Variants in MECOM observed in about 807,000 individuals in gnomAD.
MECOM encodes the protein MDS1 and EVI1 complex locus.
Under a neutral mutation model 116.3 loss-of-function variants are expected in MECOM, and 13 were observed. That is an observed-to-expected ratio of 0.11 (90% confidence interval 0.07 to 0.18). The LOEUF is 0.18. Among genes scored for constraint, MECOM ranks in the 10% least tolerant of loss-of-function variants. The pLI is 1.00. For missense variants in MECOM, 1,299 were observed against 1,509.0 expected, an observed-to-expected ratio of 0.86 and a Z score of 2.31; for synonymous variants, 528 against 535.2, an observed-to-expected ratio of 0.99 and a Z score of 0.19.
intron 1 of MECOM, among the ~76,000 whole-genome samples, chr3:169,627,287 C>T (rs1286038374): frequency 6.6e-6 from 1 of 152,164 alleles, no homozygotes; most frequent in South Asian, 2.1e-4. Context: ...TGCAGAGCCT[C>T]AGAGAAATGA....
At chr3:169,570,493 G>A (rs912828916) in intron 1 of MECOM, among the ~76,000 whole-genome samples, 3 of 152,116 alleles carry the variant, frequency 2.0e-5, no homozygotes, top group South Asian at 2.1e-4. Flanking sequence ...ATTTTACGAG[G>A]CCAGCATCAT....
At chr3:169,614,097 TTTTC>T (rs1769654071) in intron 1 of MECOM, among the ~76,000 whole-genome samples, 1 of 129,502 alleles carries the variant, frequency 7.7e-6, no homozygotes, top group South Asian at 2.7e-4. Context: ...CTCTCTTTTC[TTTTC>T]TTTTTCTTTT....
At chr3:169,307,615 A>T (rs1717958186) in intron 2 of MECOM, among the ~76,000 whole-genome samples, 1 of 152,212 alleles carries the variant, frequency 6.6e-6, no homozygotes, top group South Asian at 2.1e-4. Context: ...GTTAAGATAC[A>T]TCCTTACTTA....
chr3:169,232,338 T>C (rs1753500140), intron 2 of MECOM, among the ~76,000 whole-genome samples: 1 of 152,110 alleles, frequency 6.6e-6, no homozygotes, highest in Admixed American at 6.6e-5. Context: ...TCCACCACTG[T>C]TACCTATTAT....
At chr3:169,327,450 C>T (rs370355079) in intron 2 of MECOM, among the ~76,000 whole-genome samples, 19 of 151,788 alleles carry the variant, frequency 1.3e-4, no homozygotes, top group South Asian at 1.2e-3. Flanking sequence ...CCAGCCTGGC[C>T]AACATAGAGA....
intron 2 of MECOM, among the ~76,000 whole-genome samples, chr3:169,349,711 A>T (rs745957150): frequency 1.1e-4 from 16 of 151,922 alleles, no homozygotes; most frequent in Admixed American, 5.3e-4. Context: ...TAGCCCTGTC[A>T]GGTGGGGCTT....
chr3:169,150,537 C>T (rs753012894), intron 2 of MECOM, among the ~76,000 whole-genome samples: 1 of 152,168 alleles, frequency 6.6e-6, no homozygotes, highest in Non-Finnish European at 1.5e-5. Context: ...ACTGTAATCT[C>T]AAACCAGCTT....
intron 2 of MECOM, among the ~76,000 whole-genome samples, chr3:169,203,379 T>C (rs1328900750): frequency 1.3e-5 from 2 of 152,130 alleles, no homozygotes; most frequent in African/African-American, 2.4e-5. Flanking sequence ...AGTTTGACAC[T>C]TACTAGATGA....
intron 2 of MECOM, among the ~76,000 whole-genome samples, chr3:169,348,174 A>C: frequency 6.6e-6 from 1 of 152,028 alleles, no homozygotes; most frequent in East Asian, 1.9e-4. Flanking sequence ...GTGGAGAAAG[A>C]TGGGAATATT....
intron 1 of MECOM, among the ~76,000 whole-genome samples, chr3:169,518,780 T>C (rs896207953): frequency 2.6e-5 from 4 of 152,150 alleles, no homozygotes; most frequent in African/African-American, 9.7e-5. Flanking sequence ...TGGAGACAGG[T>C]CTTTTCTGCG....
In MECOM at chr3:169,442,716, A is replaced by G. The variant is rs540908887; in HGVS notation, c.38-61192T>C. Among the ~76,000 whole-genome samples the G allele has an allele frequency of 3.3e-5, 5 of 152,320 alleles. No individual in the cohort carries two copies. In the South Asian group the frequency reaches 6.2e-4, roughly 19 times the overall value. Reference sequence around the variant, plus strand: ...TTTTCTAAAAGTGAGGCTATTGCAGATGAAGGCACAGAAACAGTTTTTGTG... The same window carrying G: ...TTTTCTAAAAGTGAGGCTATTGCAGGTGAAGGCACAGAAACAGTTTTTGTG... On this transcript the variant is annotated intron_variant, in intron 1 of 16. Coordinates refer to ENST00000651503, the MANE Select transcript of MECOM (RefSeq NM_004991.4).
At chr3:169,162,513 G>A (rs1742994595) in intron 2 of MECOM, among the ~76,000 whole-genome samples, 1 of 152,116 alleles carries the variant, frequency 6.6e-6, no homozygotes, top group Non-Finnish European at 1.5e-5. Flanking sequence ...AAAGAGGTGA[G>A]ACCTGCTGTC....
At chr3:169,284,568 A>AGC (rs1009919902) in intron 2 of MECOM, among the ~76,000 whole-genome samples, 14 of 150,382 alleles carry the variant, frequency 9.3e-5, no homozygotes, top group African/African-American at 3.2e-4. Context: ...AAAGTATATG[A>AGC]GCGCACACAC....
intron 1 of MECOM, chr3:169,470,008 A>C (rs1560313826): frequency 6.6e-6 from 1 of 152,210 alleles, no homozygotes; most frequent in Non-Finnish European, 1.5e-5. Flanking sequence ...GCTCCAGAGG[A>C]GTCAACTCTT....
chr3:169,317,785 T>C (rs980229057), intron 2 of MECOM, among the ~76,000 whole-genome samples: 2 of 152,186 alleles, frequency 1.3e-5, no homozygotes, highest in Non-Finnish European at 2.9e-5. Context: ...TTAAATGTCA[T>C]GTGGAAGCAA....
chr3:169,533,199 T>C (rs1758871048), intron 1 of MECOM, among the ~76,000 whole-genome samples: 1 of 152,178 alleles, frequency 6.6e-6, no homozygotes, highest in Non-Finnish European at 1.5e-5. Flanking sequence ...GGCCCTTCAC[T>C]GATCAAGCTT....
At chr3:169,601,923 G>T (rs968126474) in intron 1 of MECOM, among the ~76,000 whole-genome samples, 1 of 152,148 alleles carries the variant, frequency 6.6e-6, no homozygotes, top group Non-Finnish European at 1.5e-5. Context: ...ATCCATGATT[G>T]GTCATGAGCC....
chr3:169,278,957 T>C lies in MECOM; in HGVS notation c.375+102230A>G, dbSNP rs139190122. On this transcript the variant is annotated intron_variant, in intron 2 of 16. Transcript: ENST00000651503. ...ATTCCAAATATGAACTATGTTGCAC[T>C]GTGCTCTGGCCTAGGCAGGCTCAGG... 1.8e-4 allele frequency among the ~76,000 whole-genome samples: 27 copies of C among 152,234 alleles called. 1 individual carries two copies. The highest frequency in any genetic ancestry group is 8.8e-5 in the Non-Finnish European group (6 of 68,044).
intron 1 of MECOM, among the ~76,000 whole-genome samples, chr3:169,501,047 A>G (rs1754462093): frequency 6.6e-6 from 1 of 152,020 alleles, no homozygotes; most frequent in African/African-American, 2.4e-5. Context: ...AGAATTCAGG[A>G]ATACAACTTA....
Sources: gnomAD v4.1 joint callset for allele counts (sites outside exome capture counted in the v4.1 genomes callset) on GRCh38, gnomAD v4.1.1 for gene constraint, MANE v1.5 for transcripts, NCBI Gene and HGNC (gene_info 2026-07-23, HGNC 2026-07-21) for gene names.